Variants in PTPRH observed in about 807,000 individuals in gnomAD.
The protein encoded by PTPRH is receptor-type tyrosine-protein phosphatase H.
PTPRH carries 113 observed loss-of-function variants against 130.2 expected under a neutral mutation model. The ratio of observed to expected loss-of-function variants is 0.87; its 90% CI spans 0.75 to 1.01. PTPRH has a LOEUF of 1.01. Among genes scored for constraint, PTPRH ranks in the 50% least tolerant of loss-of-function variants. PTPRH has a pLI of 0.00. For missense variants in PTPRH, 1,430 were observed against 1,425.0 expected (o/e 1.00, Z -0.06); for synonymous variants, 556 against 577.9 (o/e 0.96, Z 0.54).
Position 55,191,485 on chromosome 19 carries a change from C to CA in PTPRH, c.2384+15dup. On this transcript the variant is annotated intron_variant, in intron 12 of 19. Coordinates refer to ENST00000376350, the MANE Select transcript of PTPRH (RefSeq NM_002842.5). ...ACCAGATTCTTTCCAATGCACCCCC[C>CA]AGACCTTCTGCTCACCTAAAGACCA... is the stretch of plus-strand genomic sequence containing the variant. The CA allele has an allele frequency of 6.2e-7, 1 of 1,613,928 alleles. No individual in the cohort carries two copies. Among genetic ancestry groups the CA allele is most frequent in the Non-Finnish European group, 8.5e-7 (1 of 1,179,904 alleles).
rs567407584 is a variant in PTPRH, at chr19:55,197,137, T to C, written c.1970A>G (p.Gln657Arg). The C allele has an allele frequency of 1.2e-6, 2 of 1,614,200 alleles. No homozygotes were observed. The highest frequency in any genetic ancestry group is 4.5e-5 in the East Asian group (2 of 44,878). ...CTCACATGTGGACGCACAGAGGCTC[T>C]GCGTGGAACTGGCTACGTCATTCCT... Reference protein sequence around the residue: ...AERNDVASSTQSLCASTYPDT... With the variant: ...AERNDVASSTRSLCASTYPDT... Residue 657 changes from glutamine to arginine, a missense_variant, in exon 9 of 20, where the codon CAG (glutamine) becomes CGG (arginine). Transcript: ENST00000376350.
intron 2 of PTPRH, 104 bp downstream of exon 2, chr19:55,207,062 C>T: frequency 6.4e-7 from 1 of 1,573,174 alleles, no homozygotes; most frequent in Non-Finnish European, 8.6e-7. Context: ...GCTCATAAAC[C>T]CCTACCATGG....
Position 55,188,176 on chromosome 19 carries a change from T to A in PTPRH, c.2385-8A>T. Reference sequence around the variant, plus strand: ...GGGATGTCCCCTGGGGAGCTACGGGTTTTGGGGGAGCAGGGAGAAAAGACC... The same window carrying A: ...GGGATGTCCCCTGGGGAGCTACGGGATTTGGGGGAGCAGGGAGAAAAGACC... On this transcript the variant is annotated splice_polypyrimidine_tract_variant and splice_region_variant and intron_variant, in intron 12 of 19. Transcript: ENST00000376350. The A allele has an allele frequency of 1.2e-6, 2 of 1,610,310 alleles. No homozygotes were observed. Among genetic ancestry groups the A allele is most frequent in the Non-Finnish European group, 1.7e-6 (2 of 1,176,766 alleles).
chr19:55,184,051 G>A (rs985366484), intron 18 of PTPRH, among the ~76,000 whole-genome samples: 2 of 152,056 alleles, frequency 1.3e-5, no homozygotes, highest in Non-Finnish European at 2.9e-5. Flanking sequence ...TTGGGAGGCC[G>A]AGGTGGTCGG....
intron 10 of PTPRH, among the ~76,000 whole-genome samples, chr19:55,195,716 G>C (rs994262901): frequency 1.3e-5 from 2 of 152,106 alleles, no homozygotes; most frequent in African/African-American, 4.8e-5. Flanking sequence ...TAGGACTACA[G>C]ACACACACCA....
intron 19 of PTPRH, 21 bp from the exon 20 acceptor site, chr19:55,181,924 T>C (rs2086185383): frequency 6.2e-7 from 1 of 1,613,598 alleles, no homozygotes; most frequent in Admixed American, 1.7e-5. Flanking sequence ...GGCACGGGAG[T>C]GAGAGGCGTC....
rs1314474802 is a variant in PTPRH, at chr19:55,196,736, T to C, written c.2043A>G (p.Gly681=). ...TSCVSTSAGY[G]VNLIWSCPQG... ...GGGGGCAGGACCAGATCAAGTTGAC[T>C]CCATAGCCCGCTGAGGTGCTGACAC... is the stretch of plus-strand genomic sequence containing the variant. The change falls in exon 10 of 20, where the codon GGA becomes GGG. Residue 681 remains glycine (G), a synonymous_variant. Coordinates refer to ENST00000376350, the MANE Select transcript of PTPRH (RefSeq NM_002842.5). 2 of 1,613,928 alleles carry C rather than the reference T, an allele frequency of 1.2e-6. No homozygotes were observed. The highest frequency in any genetic ancestry group is 3.3e-5 in the Admixed American group (2 of 59,992).
intron 16 of PTPRH, 112 bp downstream of exon 16, chr19:55,186,113 G>A (rs571769339): frequency 1.3e-5 from 20 of 1,572,918 alleles, no homozygotes; most frequent in East Asian, 1.1e-4. Context: ...CACTGAAGAC[G>A]CCTGGGGTTA....
At chr19:55,186,181 C>G (rs13343365) in intron 16 of PTPRH, 44 bp downstream of exon 16, 1 of 1,585,292 alleles carries the variant, frequency 6.3e-7, no homozygotes, top group South Asian at 1.2e-5. Context: ...GTGTTCGGGG[C>G]GGGGTCCTGC....
chr19:55,202,529 C>T (rs1365470466), intron 5 of PTPRH, among the ~76,000 whole-genome samples: 2 of 152,122 alleles, frequency 1.3e-5, no homozygotes, highest in African/African-American at 4.8e-5. Context: ...AAGATCCACA[C>T]CGGCTTTCGA....
chr19:55,192,044 A>G (rs2086557571), intron 10 of PTPRH: 1 of 513,748 alleles, frequency 1.9e-6, no homozygotes, highest in Non-Finnish European at 3.7e-6. Context: ...TAGCGAGTAC[A>G]TTTTCTCTTC....
chr19:55,200,610 G>A (rs922779964), intron 6 of PTPRH, 108 bp from the exon 7 acceptor site: 2 of 1,258,716 alleles, frequency 1.6e-6, no homozygotes, highest in African/African-American at 1.5e-5. Flanking sequence ...TCAACTGCTG[G>A]TGCCAGCAGA....
At position 55,209,486 on chromosome 19, in the gene PTPRH, G is replaced by T; in HGVS notation, c.-53C>A. ...AGTCCCAGGCCTAGTCCTTCCACCTGCTGGACTTTACACTCAAGAATTTCC... is the reference window on the plus strand; with the variant it reads ...AGTCCCAGGCCTAGTCCTTCCACCTTCTGGACTTTACACTCAAGAATTTCC... On this transcript the variant is annotated 5_prime_UTR_variant, in exon 1 of 20. Transcript: ENST00000376350. The surrounding 1 kb of genome is among the most constrained non-coding windows in gnomAD (Gnocchi z 4.1). The T allele has an allele frequency of 3.9e-6, 5 of 1,271,264 alleles. No individual in the cohort carries two copies. The highest frequency in any genetic ancestry group is 5.6e-6 in the Non-Finnish European group (5 of 897,128). 78.7% of individuals were successfully genotyped at this position (1,271,264 alleles called of 1,614,324 possible).
Position 55,209,255 on chromosome 19 carries a change from C to T in PTPRH, c.51+128G>A, listed in dbSNP as rs2087166744. ...CCTACAGTCTCTGCCAAGCCTGAAG[C>T]CCTCTTCCTTCTCCAGGGGATCTTC... is the stretch of plus-strand genomic sequence containing the variant. On this transcript the variant is annotated intron_variant, in intron 1 of 19. Transcript: ENST00000376350. The surrounding 1 kb of genome is among the most constrained non-coding windows in gnomAD (Gnocchi z 4.1). 4 of 810,608 alleles carry T rather than the reference C, an allele frequency of 4.9e-6. No individual in the cohort carries two copies. The highest frequency in any genetic ancestry group is 8.4e-6 in the Non-Finnish European group (4 of 477,742). The allele number at this position is 810,608 out of a possible 1,614,324, so 50.2% of individuals were successfully genotyped here. A position where few individuals can be genotyped will look rare whatever the true frequency, so the allele number is the denominator to read the frequency against.
Position 55,207,210 on chromosome 19 carries a change from C to T in PTPRH, c.52-11G>A. On this transcript the variant is annotated splice_polypyrimidine_tract_variant and intron_variant, in intron 1 of 19. Transcript: ENST00000376350. ...CCAGCTGCACAGGCCCTGGAGGGAA[C>T]CCAGAGAAAACGGAGTCAGCCTCTC... 6.2e-7 allele frequency: 1 copy of T among 1,612,528 alleles called. No homozygotes were observed. Among genetic ancestry groups the T allele is most frequent in the Non-Finnish European group, 8.5e-7 (1 of 1,179,240 alleles).
rs762593249 is a variant in PTPRH, at chr19:55,203,905, G to A, written c.763C>T (p.Arg255Ter). The part of the protein sequence containing the change: ...CTGDGGRTET[R>*]NTTDTRVTVD... ...GTGACTCTGGTGTCTGTTGTGTTTC[G>A]AGTCTCTGTTCTGCCACCATCTCCA... The change falls in exon 5 of 20, where the codon CGA becomes TGA. Residue 255 changes from arginine (R) to a stop codon, truncating the protein, a stop_gained. Coordinates refer to ENST00000376350, the MANE Select transcript of PTPRH (RefSeq NM_002842.5). LOFTEE classifies it high-confidence loss of function. 2.2e-5 allele frequency: 36 copies of A among 1,614,012 alleles called. No homozygotes were observed. The highest frequency in any genetic ancestry group is 1.6e-4 in the Middle Eastern group (1 of 6,084).
Position 55,181,815 on chromosome 19 carries a change from T to G in PTPRH, c.3287A>C (p.Asp1096Ala). The change falls in exon 20 of 20, where the codon GAT becomes GCT. Residue 1096 changes from aspartate to alanine, a missense_variant. By Grantham distance (126) the Asp-to-Ala change is moderately radical (BLOSUM62 -2). Transcript: ENST00000376350. The part of the protein sequence containing the change: ...APAEKEVPYE[D>A]VENLIYENVA... Reference sequence around the variant, plus strand: ...GTTCTCGTAGATGAGGTTTTCGACATCCTCATACGGGACTTCCTTCTCGGC... The same window carrying G: ...GTTCTCGTAGATGAGGTTTTCGACAGCCTCATACGGGACTTCCTTCTCGGC... The G allele has an allele frequency of 6.2e-7, 1 of 1,614,174 alleles. No individual in the cohort carries two copies. The highest frequency in any genetic ancestry group is 8.5e-7 in the Non-Finnish European group (1 of 1,180,038).
chr19:55,185,365 C>T (rs1008101981), intron 18 of PTPRH, 137 bp downstream of exon 18: 119 of 946,340 alleles, frequency 1.3e-4, no homozygotes, highest in Middle Eastern at 1.0e-3. Context: ...TCACGCCCCC[C>T]TTTATCTTCC....
chr19:55,200,601 C>G (rs966845929), intron 6 of PTPRH, 99 bp from the exon 7 acceptor site: 17 of 1,328,854 alleles, frequency 1.3e-5, no homozygotes, highest in Non-Finnish European at 1.7e-5. Context: ...AGCTCTTGTT[C>G]AACTGCTGGT....
Sources: gnomAD v4.1 joint callset for allele counts (sites outside exome capture counted in the v4.1 genomes callset) on GRCh38, gnomAD v4.1.1 for gene constraint, Gnocchi (gnomAD v3.1) non-coding constraint, MANE v1.5 for transcripts, NCBI Gene and HGNC (gene_info 2026-07-23, HGNC 2026-07-21) for gene names.